Variants in RPS6KA3 observed in about 807,000 individuals in gnomAD.
The protein encoded by RPS6KA3 is ribosomal protein S6 kinase alpha-3.
In RPS6KA3, 4 loss-of-function variants were observed where a neutral mutation model predicts 67.2. The ratio of observed to expected loss-of-function variants is 0.06; its 90% CI spans 0.03 to 0.14. The LOEUF is 0.14. RPS6KA3 is among the 10% of genes least tolerant of loss of function. The pLI is 1.00. For synonymous variants in RPS6KA3, 182 were observed against 183.7 expected, an observed-to-expected ratio of 0.99 and a Z score of 0.07; for missense variants, 204 against 559.0, an observed-to-expected ratio of 0.36 and a Z score of 6.40.
chrX:20,207,328 T>C (rs2068596756), intron 3 of RPS6KA3, among the ~76,000 whole-genome samples: 1 of 111,717 alleles, frequency 9.0e-6, no homozygotes, highest in African/African-American at 3.3e-5. Context: ...AATTGCTTAA[T>C]GAGAGAAAAA....
chrX:20,173,777 C>G (rs1486634786), intron 14 of RPS6KA3, among the ~76,000 whole-genome samples: 1 of 112,180 alleles, frequency 8.9e-6, no homozygotes, highest in Non-Finnish European at 1.9e-5. Context: ...AATTGTTTTT[C>G]TACAAAATGG....
chrX:20,166,425 G>A (rs934994025), intron 17 of RPS6KA3, among the ~76,000 whole-genome samples: 2 of 111,428 alleles, frequency 1.8e-5, no homozygotes, highest in African/African-American at 6.5e-5. Flanking sequence ...ATCTTGATAA[G>A]TTAGAAGTCA....
chrX:20,188,079 T>C (rs1395414821), intron 8 of RPS6KA3, 109 bp from the exon 9 acceptor site: 16 of 764,463 alleles, frequency 2.1e-5, no homozygotes, highest in Non-Finnish European at 3.1e-5. Context: ...TTTTTTTTGT[T>C]TGTTTGTTTT....
At chrX:20,242,326 AC>A (rs1245512222) in intron 1 of RPS6KA3, among the ~76,000 whole-genome samples, 1 of 112,080 alleles carries the variant, frequency 8.9e-6, no homozygotes, top group Admixed American at 9.4e-5. Context: ...CCATACAGTA[AC>A]CAAGAATAGA....
At chrX:20,219,390 G>C (rs1603429525) in intron 2 of RPS6KA3, among the ~76,000 whole-genome samples, 2 of 111,826 alleles carry the variant, frequency 1.8e-5, no homozygotes, top group African/African-American at 3.2e-5. Flanking sequence ...CCCTGTCAAT[G>C]AGGAAGAGTT....
chrX:20,241,860 C>T (rs1032838510), intron 1 of RPS6KA3, among the ~76,000 whole-genome samples: 3 of 111,448 alleles, frequency 2.7e-5, no homozygotes, highest in African/African-American at 6.5e-5. Context: ...TCTAGTTTTT[C>T]GTGTTCAAAG....
intron 2 of RPS6KA3, among the ~76,000 whole-genome samples, chrX:20,215,128 T>C (rs1046530224): frequency 1.8e-5 from 2 of 111,771 alleles, no homozygotes; most frequent in African/African-American, 6.5e-5. Flanking sequence ...TCTAAGAGAC[T>C]TTCTTGACTT....
intron 7 of RPS6KA3, 57 bp downstream of exon 7, chrX:20,193,430 A>T: frequency 1.4e-6 from 1 of 725,211 alleles, no homozygotes; most frequent in Non-Finnish European, 2.1e-6. Flanking sequence ...TTGATTTTTT[A>T]TAATCTCCTA....
At chrX:20,256,172 C>CAAAAAAAAAAAAAAA (rs35947983) in intron 1 of RPS6KA3, among the ~76,000 whole-genome samples, 14 of 14,463 alleles carry the variant, frequency 9.7e-4, no homozygotes, top group African/African-American at 1.2e-3. Context: ...GACACCGTCT[C>CAAAAAAAAAAAAAAA]AAAAAAAAAA....
chrX:20,197,644 G>A (rs184545002), intron 4 of RPS6KA3, among the ~76,000 whole-genome samples: 3 of 112,042 alleles, frequency 2.7e-5, no homozygotes, highest in Non-Finnish European at 5.6e-5. Context: ...AATGAGCAGT[G>A]AGAGTCCTTC....
intron 1 of RPS6KA3, among the ~76,000 whole-genome samples, chrX:20,259,185 C>T (rs370634791): frequency 3.7e-4 from 41 of 111,489 alleles, no homozygotes; most frequent in African/African-American, 1.1e-3. Context: ...ATTACTAATC[C>T]TAGCTATCTA....
At chrX:20,263,797 T>C (rs764252090) in intron 1 of RPS6KA3, among the ~76,000 whole-genome samples, 1 of 111,660 alleles carries the variant, frequency 9.0e-6, no homozygotes, top group Admixed American at 9.5e-5. Flanking sequence ...GGGCCAGGCA[T>C]TGTGCTGAAT....
Position 20,176,907 on chromosome X carries a change from A to G in RPS6KA3, c.934+89T>C, listed in dbSNP as rs1032775328. On this transcript the variant is annotated intron_variant, in intron 11 of 21. Transcript: ENST00000379565. Reference sequence around the variant, plus strand: ...AGGCCTAGCCTTGTCTAAATAGTTAATAATTCCACCACAAAACAAATATCT... The same window carrying G: ...AGGCCTAGCCTTGTCTAAATAGTTAGTAATTCCACCACAAAACAAATATCT... The G allele has an allele frequency of 8.4e-6, 6 of 718,081 alleles. No homozygotes were observed. The African/African-American group carries it at 8.5e-5, about 10-fold the overall frequency. 59.2% of individuals were successfully genotyped at this position (718,081 alleles called of 1,213,427 possible). A position where few individuals can be genotyped will look rare whatever the true frequency, so the allele number is the denominator to read the frequency against.
At chrX:20,210,793 T>C (rs1473826906) in intron 2 of RPS6KA3, among the ~76,000 whole-genome samples, 1 of 111,226 alleles carries the variant, frequency 9.0e-6, no homozygotes, top group East Asian at 2.8e-4. Flanking sequence ...TTATCTCCTT[T>C]AATTCTCACA....
At chrX:20,193,070 G>C (rs1432494754) in intron 7 of RPS6KA3, among the ~76,000 whole-genome samples, 2 of 111,491 alleles carry the variant, frequency 1.8e-5, no homozygotes, top group African/African-American at 6.5e-5. Flanking sequence ...CTGAGGTCAG[G>C]AGTTCGAGAC....
chrX:20,247,430 T>C (rs143241800), intron 1 of RPS6KA3, among the ~76,000 whole-genome samples: 1,232 of 111,356 alleles, frequency 0.011, 6 homozygotes, highest in Middle Eastern at 0.018. Context: ...TTACTAAACA[T>C]TGTTAAGTTT....
chrX:20,176,602 T>TTAAG, intron 11 of RPS6KA3, 104 bp from the exon 12 acceptor site: 1 of 568,186 alleles, frequency 1.8e-6, no homozygotes, highest in Admixed American at 3.1e-5. Flanking sequence ...AATTAATTAA[T>TTAAG]TAATTTTGAG....
chrX:20,266,544 G>A lies in RPS6KA3; in HGVS notation c.69+20C>T, dbSNP rs2070391968. ...CGCGAGGAGGAGATGCGCCGGCCCC[G>A]GCCGCCCTGCTGCACTCACCTCAGC... On this transcript the variant is annotated intron_variant, in intron 1 of 21. Transcript: ENST00000379565. 1.8e-6 allele frequency: 2 copies of A among 1,139,670 alleles called. No homozygotes were observed. The highest frequency in any genetic ancestry group is 2.3e-6 in the Non-Finnish European group (2 of 856,798). The allele number at this position is 1,139,670 out of a possible 1,213,427, so 93.9% of individuals were successfully genotyped here. A position where few individuals can be genotyped will look rare whatever the true frequency, so the allele number is the denominator to read the frequency against.
chrX:20,165,944 A>T (rs28452402), intron 17 of RPS6KA3, among the ~76,000 whole-genome samples: 9,965 of 111,548 alleles, frequency 0.089, 1,127 homozygotes, highest in African/African-American at 0.31. Context: ...TTTTTCCTAG[A>T]TATATATACC....
Sources: gnomAD v4.1 joint callset for allele counts (sites outside exome capture counted in the v4.1 genomes callset) on GRCh38, gnomAD v4.1.1 for gene constraint, MANE v1.5 for transcripts, NCBI Gene and HGNC (gene_info 2026-07-23, HGNC 2026-07-21) for gene names.